The following LMTK3 variants were observed in gnomAD, a reference collection of about 807,000 sequenced individuals.
LMTK3 encodes lemur tail kinase 3.
A neutral mutation model predicts 116.7 loss-of-function variants in LMTK3; 27 were observed. The ratio of observed to expected loss-of-function variants is 0.23; its 90% CI spans 0.17 to 0.32. LMTK3 has a LOEUF of 0.32. LMTK3 is among the 10% of genes least tolerant of loss of function. The pLI, the probability that LMTK3 is intolerant of heterozygous loss-of-function variation, is 1.00. For missense variants in LMTK3, 1,764 were observed against 2,068.5 expected (o/e 0.85, Z 2.86); for synonymous variants, 965 against 971.0 (o/e 0.99, Z 0.11).
Position 48,506,084 on chromosome 19 carries a change from G to C in LMTK3, c.557+2767C>G, listed in dbSNP as rs372674150. ...TTGAACCCAGGAGGCAGAGGTTGCA[G>C]AGAGTTGAGATTGCGCCACTGCACT... is the stretch of plus-strand genomic sequence containing the variant. On this transcript the variant is annotated intron_variant, in intron 5 of 14. Coordinates refer to ENST00000600059, the MANE Select transcript of LMTK3 (RefSeq NM_001388485.1). 7.3e-5 allele frequency among the ~76,000 whole-genome samples: 11 copies of C among 151,254 alleles called. No individual in the cohort carries two copies. The East Asian group carries it at 1.8e-3, about 24-fold the overall frequency.
chr19:48,490,270 TC>T (rs1972199516), intron 14 of LMTK3, among the ~76,000 whole-genome samples: 1 of 152,066 alleles, frequency 6.6e-6, no homozygotes, highest in East Asian at 1.9e-4. Context: ...ACGCCTGTAA[TC>T]CCAGCACTTT....
chr19:48,491,425 G>A lies in LMTK3; in HGVS notation c.4207C>T (p.Pro1403Ser). The A allele has an allele frequency of 2.1e-6, 3 of 1,423,184 alleles. No individual in the cohort carries two copies. The South Asian group carries it at 4.5e-5, about 21-fold the overall frequency. The allele number at this position is 1,423,184 out of a possible 1,614,324, so 88.2% of individuals were successfully genotyped here. Residue 1403 changes from proline (P) to serine (S), a missense_variant, in exon 13 of 15, where the codon CCC (proline) becomes TCC (serine). By Grantham distance (74) the Pro-to-Ser change is moderately conservative (BLOSUM62 -1). This residue lies in a region of LMTK3 where 281 missense variants were observed against 301.4 expected (regional missense o/e 0.93). Coordinates refer to ENST00000600059, the MANE Select transcript of LMTK3 (RefSeq NM_001388485.1). The surrounding 1 kb of genome is among the most constrained non-coding windows in gnomAD (Gnocchi z 5.1). ...PHPATPGDGF[P>S]SNDSGFGGSF... ...TCACCAAAGCCGCTGTCGTTGCTGGGAAACCCATCTCCGGGGGTGGCGGGG... is the reference window on the plus strand; with the variant it reads ...TCACCAAAGCCGCTGTCGTTGCTGGAAAACCCATCTCCGGGGGTGGCGGGG...
At chr19:48,490,848 T>A (rs1176559958) in intron 14 of LMTK3, among the ~76,000 whole-genome samples, 1 of 150,684 alleles carries the variant, frequency 6.6e-6, no homozygotes, top group African/African-American at 2.5e-5. Flanking sequence ...GAGTCGGGGG[T>A]GGGGGTAATC....
At position 48,500,228 on chromosome 19, in the gene LMTK3, GC is replaced by G. The variant is rs1234211577; in HGVS notation, c.1152-312del. On this transcript the variant is annotated intron_variant, in intron 10 of 14. Coordinates refer to ENST00000600059, the MANE Select transcript of LMTK3 (RefSeq NM_001388485.1). This position sits in a 1 kb window ranked among gnomAD's most constrained non-coding sequence, Gnocchi z 4.0. ...ACCTGAGGTCAGGAGTTCAAGACCA[GC>G]CTGGCTAACATGGTGAAACCCCGTT... 2.0e-5 allele frequency among the ~76,000 whole-genome samples: 3 copies of G among 152,076 alleles called. No homozygotes were observed. Among genetic ancestry groups the G allele is most frequent in the Admixed American group, 1.3e-4 (2 of 15,278 alleles).
At chr19:48,507,079 C>T (rs531808730) in intron 5 of LMTK3, among the ~76,000 whole-genome samples, 3 of 152,064 alleles carry the variant, frequency 2.0e-5, no homozygotes, top group Non-Finnish European at 4.4e-5. Context: ...GGCAGGAGCC[C>T]GACAAAGTGT....
upstream of LMTK3, chr19:48,512,996 C>A: frequency 1.4e-6 from 1 of 709,340 alleles, no homozygotes; most frequent in Non-Finnish European, 2.6e-6. Context: ...ACCTTTCACA[C>A]AAGGTTACAA....
At chr19:48,495,363 C>T (rs144276552) in intron 11 of LMTK3, among the ~76,000 whole-genome samples, 2 of 152,150 alleles carry the variant, frequency 1.3e-5, no homozygotes, top group African/African-American at 4.8e-5. Context: ...AGGTTGACAA[C>T]CTTTAAAAAT....
rs772986389 is a variant in LMTK3 at position 48,497,445 on chromosome 19, T to C, written c.3624A>G (p.Pro1208=). The part of the protein sequence containing the change: ...PKPERKGPEM[P]RLFLDLGPPQ... ...GGGGTCCCAAGTCCAAGAATAGTCG[T>C]GGCATCTCGGGGCCCTTCCTCTCGG... is the stretch of plus-strand genomic sequence containing the variant. Residue 1208 remains proline (P), a synonymous_variant, in exon 11 of 15, where the codon CCA becomes CCG. Coordinates refer to ENST00000600059, the MANE Select transcript of LMTK3 (RefSeq NM_001388485.1). This position sits in a 1 kb window ranked among gnomAD's most constrained non-coding sequence, Gnocchi z 5.7. 11 of 1,537,338 alleles carry C rather than the reference T, an allele frequency of 7.2e-6. No individual in the cohort carries two copies. In the South Asian group the frequency reaches 1.3e-4, roughly 19 times the overall value.
intron 6 of LMTK3, 146 bp downstream of exon 6, chr19:48,502,763 C>T: frequency 1.2e-6 from 1 of 844,578 alleles, no homozygotes; most frequent in Non-Finnish European, 1.9e-6. Flanking sequence ...GCCCCCAGGA[C>T]AGGCAGCACT....
intron 14 of LMTK3, among the ~76,000 whole-genome samples, chr19:48,489,833 C>G (rs1166512766): frequency 6.6e-6 from 1 of 152,128 alleles, no homozygotes; most frequent in African/African-American, 2.4e-5. Context: ...GGAGTGAAAC[C>G]CTCCAGTGGC....
chr19:48,500,604 T>C lies in LMTK3; in HGVS notation c.1151+392A>G, dbSNP rs959918842. Among the ~76,000 whole-genome samples, 1 of 151,456 alleles carries C rather than the reference T, an allele frequency of 6.6e-6. No individual in the cohort carries two copies. The highest frequency in any genetic ancestry group is 1.9e-4 in the East Asian group (1 of 5,166). On this transcript the variant is annotated intron_variant, in intron 10 of 14. Transcript: ENST00000600059. The surrounding 1 kb of genome is among the most constrained non-coding windows in gnomAD (Gnocchi z 4.0). Reference sequence around the variant, plus strand: ...AGAGGAGGTAACTGGGCTGGGGAGCTGGGTATTGAGACCCAAAGAAGCAGG... The same window carrying C: ...AGAGGAGGTAACTGGGCTGGGGAGCCGGGTATTGAGACCCAAAGAAGCAGG...
Position 48,497,306 on chromosome 19 carries a change from G to A in LMTK3, c.3676+87C>T, listed in dbSNP as rs376937136. ...GACCTGCATTCATCACTGCCAGCCCGACCCGACATGTTTACCCACACTCAC... is the reference window on the plus strand; with the variant it reads ...GACCTGCATTCATCACTGCCAGCCCAACCCGACATGTTTACCCACACTCAC... On this transcript the variant is annotated intron_variant, in intron 11 of 14. Coordinates refer to ENST00000600059, the MANE Select transcript of LMTK3 (RefSeq NM_001388485.1). This position sits in a 1 kb window ranked among gnomAD's most constrained non-coding sequence, Gnocchi z 5.7. 2.2e-6 allele frequency: 3 copies of A among 1,343,494 alleles called. No individual in the cohort carries two copies. Among genetic ancestry groups the A allele is most frequent in the East Asian group, 2.8e-5 (1 of 35,222 alleles). The allele number at this position is 1,343,494 out of a possible 1,614,324, so 83.2% of individuals were successfully genotyped here. A position where few individuals can be genotyped will look rare whatever the true frequency, so the allele number is the denominator to read the frequency against.
chr19:48,502,520 G>A lies in LMTK3; in HGVS notation c.707C>T (p.Pro236Leu). 1.2e-6 allele frequency: 2 copies of A among 1,606,650 alleles called. No individual in the cohort carries two copies. Among genetic ancestry groups the A allele is most frequent in the Non-Finnish European group, 1.7e-6 (2 of 1,177,104 alleles). Reference protein sequence around the residue: ...RPPEGLSPELPPRDLRTLQRM... With the variant: ...RPPEGLSPELLPRDLRTLQRM... ...CTGCAGCGTCCGCAGGTCTCGAGGGGGTAGCTCAGGGGACAGGCCCTCGGG... is the reference window on the plus strand; with the variant it reads ...CTGCAGCGTCCGCAGGTCTCGAGGGAGTAGCTCAGGGGACAGGCCCTCGGG... The change falls in exon 7 of 15, where the codon CCC becomes CTC. Residue 236 changes from proline to leucine, a missense_variant. By Grantham distance (98) the Pro-to-Leu change is moderately conservative (BLOSUM62 -3). Around this residue, in one of 7 missense-constraint regions of LMTK3, gnomAD observed 271 missense variants for 478.2 expected, o/e 0.57. Transcript: ENST00000600059.
chr19:48,498,673 G>A lies in LMTK3; in HGVS notation c.2396C>T (p.Thr799Ile). 1.3e-6 allele frequency: 2 copies of A among 1,538,794 alleles called. No homozygotes were observed. Among genetic ancestry groups the A allele is most frequent in the South Asian group, 1.2e-5 (1 of 83,962 alleles). ...KPGDSGYETE[T>I]PFSPEGAFPG... Reference sequence around the variant, plus strand: ...GAAGGCTCCCTCTGGGGAAAAAGGGGTCTCGGTCTCGTAGCCGCTGTCCCC... The same window carrying A: ...GAAGGCTCCCTCTGGGGAAAAAGGGATCTCGGTCTCGTAGCCGCTGTCCCC... The change falls in exon 11 of 15, where the codon ACC (threonine) becomes ATC (isoleucine). Residue 799 changes from threonine (T) to isoleucine (I), a missense_variant. Physicochemically the swap from Thr to Ile is moderately conservative, Grantham distance 89. Around this residue, in one of 7 missense-constraint regions of LMTK3, gnomAD observed 1,028 missense variants for 1,050.6 expected, o/e 0.98. Coordinates refer to ENST00000600059, the MANE Select transcript of LMTK3 (RefSeq NM_001388485.1).
At position 48,502,471 on chromosome 19, in the gene LMTK3, G is replaced by C. The variant is rs776566882; in HGVS notation, c.756C>G (p.Arg252=). The part of the protein sequence containing the change: ...TLQRMGLEIA[R]GLAHLHSHNY... ...TGTGGGAATGCAGGTGCGCCAGCCC[G>C]CGGGCGATCTCCAGGCCCATCCTCT... Residue 252 remains arginine (R), a synonymous_variant, in exon 7 of 15, where the codon CGC becomes CGG. Transcript: ENST00000600059. The C allele has an allele frequency of 4.3e-6, 7 of 1,610,952 alleles. No individual in the cohort carries two copies. The highest frequency in any genetic ancestry group is 1.1e-5 in the South Asian group (1 of 90,992).
chr19:48,510,934 G>T (rs953959875), intron 1 of LMTK3, among the ~76,000 whole-genome samples: 3 of 152,154 alleles, frequency 2.0e-5, no homozygotes, highest in Non-Finnish European at 4.4e-5. Flanking sequence ...TTTAAAATAC[G>T]CTCCCGTGGA....
chr19:48,512,190 G>T (rs1972675240), upstream of LMTK3, among the ~76,000 whole-genome samples: 1 of 152,044 alleles, frequency 6.6e-6, no homozygotes, highest in Admixed American at 6.5e-5. Context: ...ACGTCGCAGG[G>T]ACCCTCATAG....
intron 9 of LMTK3, 22 bp downstream of exon 9, chr19:48,501,261 C>A (rs1414367654): frequency 1.4e-5 from 22 of 1,611,612 alleles, no homozygotes; most frequent in Non-Finnish European, 1.6e-5. Context: ...CTGCCTCGGC[C>A]CCCGCGGCCC....
upstream of LMTK3, among the ~76,000 whole-genome samples, chr19:48,512,682 C>T (rs892209004): frequency 2.0e-5 from 3 of 151,930 alleles, no homozygotes; most frequent in Admixed American, 6.6e-5. Context: ...TGCATGTATA[C>T]GGACACGTAA....
Sources: allele counts gnomAD v4.1 joint callset (sites outside exome capture counted in the v4.1 genomes callset), GRCh38; gene constraint gnomAD v4.1.1; regional missense constraint gnomAD v4.1.1; non-coding constraint Gnocchi (gnomAD v3.1); transcripts MANE v1.5; gene names NCBI Gene and HGNC (gene_info 2026-07-23, HGNC 2026-07-21).